Variants in TIMP2 observed in about 807,000 individuals in gnomAD.
TIMP2 encodes TIMP metallopeptidase inhibitor 2.
A neutral mutation model predicts 24.3 loss-of-function variants in TIMP2; 5 were observed. The ratio of observed to expected loss-of-function variants is 0.21; its 90% CI spans 0.11 to 0.43. The LOEUF is 0.43. TIMP2 is among the 20% of genes least tolerant of loss of function. TIMP2 has a pLI of 1.00. For missense variants in TIMP2, 221 were observed against 297.5 expected, an observed-to-expected ratio of 0.74 and a Z score of 1.89; for synonymous variants, 130 against 123.2, an observed-to-expected ratio of 1.06 and a Z score of -0.37.
intron 1 of TIMP2, among the ~76,000 whole-genome samples, chr17:78,914,256 T>TATTC (rs1397872196): frequency 0.023 from 2,298 of 97,790 alleles, 33 homozygotes; most frequent in Non-Finnish European, 0.031. Flanking sequence ...AAATTTTGGC[T>TATTC]ATTCATTTAT....
chr17:78,922,180 TG>T (rs1568010511), intron 1 of TIMP2: 1 of 152,226 alleles, frequency 6.6e-6, no homozygotes, highest in Non-Finnish European at 1.5e-5. Context: ...TGAGCCAGAA[TG>T]GGGAACCATT....
chr17:78,879,051 A>G (rs1292267934), intron 1 of TIMP2, among the ~76,000 whole-genome samples: 1 of 152,166 alleles, frequency 6.6e-6, no homozygotes, highest in South Asian at 2.1e-4. Flanking sequence ...CGGGATCTGC[A>G]CCGCTGACCT....
Sources: gnomAD v4.1 joint callset for allele counts (sites outside exome capture counted in the v4.1 genomes callset) on GRCh38, gnomAD v4.1.1 for gene constraint, MANE v1.5 for transcripts, NCBI Gene and HGNC (gene_info 2026-07-23, HGNC 2026-07-21) for gene names.